The following ZNF714 variants were observed in gnomAD, a reference collection of about 807,000 sequenced individuals.
ZNF714 encodes zinc finger protein 714.
In ZNF714, 32 loss-of-function variants were observed where a neutral mutation model predicts 46.2. The ratio of observed to expected loss-of-function variants is 0.69; its 90% CI spans 0.52 to 0.93. ZNF714 has a LOEUF of 0.93. Among genes scored for constraint, ZNF714 ranks in the 40% least tolerant of loss-of-function variants. The pLI is 0.00. For missense variants in ZNF714, 635 were observed against 646.3 expected, an observed-to-expected ratio of 0.98 and a Z score of 0.19; for synonymous variants, 199 against 213.1, an observed-to-expected ratio of 0.93 and a Z score of 0.58.
intron 4 of ZNF714, among the ~76,000 whole-genome samples, chr19:21,111,176 G>A (rs1178428303): frequency 2.0e-5 from 3 of 152,088 alleles, no homozygotes; most frequent in African/African-American, 7.2e-5. Context: ...AAATTACTTT[G>A]AGCAGTATGG....
rs754664150 is a variant in ZNF714 at position 21,118,134 on chromosome 19, T to C, written c.1470T>C (p.Phe490=). ...AATGTGAAGAATGTGGTAAAGCCTT[T>C]AACCAATCCTCAACTCTTACTAAAC... ...SYKCEECGKA[F]NQSSTLTKHR... Residue 490 remains phenylalanine, a synonymous_variant, in exon 5 of 5, where the codon TTT becomes TTC. Transcript: ENST00000456283. The C allele has an allele frequency of 8.7e-6, 14 of 1,613,788 alleles. No homozygotes were observed. In the East Asian group the frequency reaches 2.7e-4, roughly 31 times the overall value.
At chr19:21,099,189 G>GT (rs1267328478) in intron 4 of ZNF714, among the ~76,000 whole-genome samples, 3 of 151,296 alleles carry the variant, frequency 2.0e-5, no homozygotes, top group Non-Finnish European at 2.9e-5. Context: ...GTTTTGTTTT[G>GT]TTTTTTGAGA....
intron 4 of ZNF714, among the ~76,000 whole-genome samples, chr19:21,114,850 A>G (rs552336803): frequency 1.3e-3 from 202 of 152,264 alleles, no homozygotes; most frequent in Non-Finnish European, 2.1e-3. Context: ...CCTGGTGGTC[A>G]TGTATTCCTT....
chr19:21,112,886 G>A lies in ZNF714; in HGVS notation c.143-3921G>A, dbSNP rs188855956. 7.9e-3 allele frequency among the ~76,000 whole-genome samples: 1,063 copies of A among 134,604 alleles called. 15 individuals carry two copies. Among genetic ancestry groups the A allele is most frequent in the African/African-American group, 0.028 (1,023 of 36,470 alleles). The allele number at this position is 134,604 out of a possible 152,430, so 88.3% of individuals were successfully genotyped here. On this transcript the variant is annotated intron_variant, in intron 4 of 4. Transcript: ENST00000456283. ...CGCCCAGGCTGGAGTGCAGTGGCGC[G>A]ATCTCGGCTCACTGCAATCTCTGCC...
In ZNF714 at chr19:21,119,213, T is replaced by C. The variant is rs1364438738; in HGVS notation, c.*881T>C. On this transcript the variant is annotated 3_prime_UTR_variant, in exon 5 of 5. Coordinates refer to ENST00000456283, the MANE Select transcript of ZNF714 (RefSeq NM_182515.4). The stretch of plus-strand genomic sequence containing the variant: ...AGGTCAGGAGTTTGAGACCAGCCTA[T>C]CCAAGATGGTGAAACCCCATCTCTA... The C allele has an allele frequency of 5.4e-6, 2 of 373,484 alleles. No homozygotes were observed. 23.1% of individuals were successfully genotyped at this position (373,484 alleles called of 1,614,324 possible).
intron 3 of ZNF714, 56 bp from the exon 4 acceptor site, chr19:21,098,756 C>A: frequency 1.6e-6 from 2 of 1,215,240 alleles, no homozygotes; most frequent in Non-Finnish European, 2.4e-6. Flanking sequence ...GAGCACAGTA[C>A]TAGGTTGGTA....
chr19:21,089,789 A>G (rs944500079), intron 2 of ZNF714, among the ~76,000 whole-genome samples: 2 of 148,282 alleles, frequency 1.3e-5, no homozygotes, highest in Non-Finnish European at 3.0e-5. Context: ...AACCTCACAA[A>G]TGCATCTCCA....
Position 21,098,896 on chromosome 19 carries a change from T to C in ZNF714, c.128T>C (p.Val43Ala), listed in dbSNP as rs1390463924. 6.2e-6 allele frequency: 10 copies of C among 1,600,760 alleles called. No individual in the cohort carries two copies. Among genetic ancestry groups the C allele is most frequent in the Non-Finnish European group, 7.7e-6 (9 of 1,172,828 alleles). The part of the protein sequence containing the change: ...EPWNMKICEM[V>A]DESPAMCSSF... ...TGGAATATGAAGATATGTGAGATGG[T>C]GGATGAATCCCCAGGTAGGTGAGAG... Residue 43 changes from valine to alanine, a missense_variant, in exon 4 of 5, where the codon GTG becomes GCG. Val to Ala is a moderately conservative substitution (Grantham distance 64). Coordinates refer to ENST00000456283, the MANE Select transcript of ZNF714 (RefSeq NM_182515.4).
chr19:21,114,064 T>C (rs1346611881), intron 4 of ZNF714, among the ~76,000 whole-genome samples: 1 of 152,202 alleles, frequency 6.6e-6, no homozygotes, highest in African/African-American at 2.4e-5. Context: ...GGGTGCTCCT[T>C]GAATTGATCT....
chr19:21,087,661 A>G (rs60467794), intron 2 of ZNF714, among the ~76,000 whole-genome samples: 8,996 of 152,226 alleles, frequency 0.059, 654 homozygotes, highest in African/African-American at 0.18. Context: ...TCAATGTTCA[A>G]TTTATAGAAA....
At position 21,117,718 on chromosome 19, in the gene ZNF714, G is replaced by A. The variant is rs775516212; in HGVS notation, c.1054G>A (p.Val352Met). 4 of 1,585,492 alleles carry A rather than the reference G, an allele frequency of 2.5e-6. No individual in the cohort carries two copies. The highest frequency in any genetic ancestry group is 3.4e-6 in the Non-Finnish European group (4 of 1,166,034). The change falls in exon 5 of 5, where the codon GTG becomes ATG. Residue 352 changes from valine to methionine, a missense_variant. By Grantham distance (21) the Val-to-Met change is conservative (BLOSUM62 1). Transcript: ENST00000456283. ...KCEECGKAFN[V>M]SSHLTTHKMI... is the part of the protein sequence containing the mutation. The stretch of plus-strand genomic sequence containing the variant: ...TGAAGAATGTGGCAAAGCCTTTAAT[G>A]TGTCTTCACACCTTACTACACATAA...
rs1969090522 is a variant in ZNF714 at position 21,098,289 on chromosome 19, C to CT, written c.22dup (p.Tyr8LeufsTer14). ...TATATATGAATGTGATGTTAGAGAA[C>CT]TACAAAAACCTGGTCTTCTTGGGTG... On this transcript the variant is annotated frameshift_variant, in exon 3 of 5. Coordinates refer to ENST00000456283, the MANE Select transcript of ZNF714 (RefSeq NM_182515.4). LOFTEE classifies it high-confidence loss of function. 1.2e-6 allele frequency: 2 copies of CT among 1,612,808 alleles called. No homozygotes were observed. The highest frequency in any genetic ancestry group is 4.5e-5 in the East Asian group (2 of 44,844).
intron 2 of ZNF714, among the ~76,000 whole-genome samples, chr19:21,095,700 C>T (rs1599534996): frequency 2.6e-5 from 4 of 152,030 alleles, no homozygotes; most frequent in Middle Eastern, 3.4e-3. Context: ...ATGATCCGCC[C>T]GCCTCAGCCT....
At chr19:21,101,982 G>A (rs558066193) in intron 4 of ZNF714, among the ~76,000 whole-genome samples, 1 of 152,282 alleles carries the variant, frequency 6.6e-6, no homozygotes, top group African/African-American at 2.4e-5. Flanking sequence ...TTACTTGGGA[G>A]ATGGGATCTT....
rs921883352 is a variant in ZNF714 at position 21,124,542 on chromosome 19, T to G, written c.*6210T>G. On this transcript the variant is annotated 3_prime_UTR_variant, in exon 5 of 5. Coordinates refer to ENST00000456283, the MANE Select transcript of ZNF714 (RefSeq NM_182515.4). ...AAATGTGTGCTTTTTCTGTAGAACA[T>G]ATTTTGAAGTATATATACATTGTTA... is the stretch of plus-strand genomic sequence containing the variant. Among the ~76,000 whole-genome samples, 1 of 152,196 alleles carries G rather than the reference T, an allele frequency of 6.6e-6. No individual in the cohort carries two copies. The highest frequency in any genetic ancestry group is 1.5e-5 in the Non-Finnish European group (1 of 68,032).
chr19:21,092,902 T>C (rs911257158), intron 2 of ZNF714, among the ~76,000 whole-genome samples: 1 of 125,068 alleles, frequency 8.0e-6, no homozygotes, highest in Non-Finnish European at 1.7e-5. Flanking sequence ...GCAAATAACT[T>C]AAACTTTTTT....
At chr19:21,104,911 G>A (rs375947785) in intron 4 of ZNF714, among the ~76,000 whole-genome samples, 9 of 151,154 alleles carry the variant, frequency 6.0e-5, no homozygotes, top group African/African-American at 1.2e-4. Flanking sequence ...GTGAGCGCCC[G>A]GCCTCATTTT....
At chr19:21,092,870 C>T (rs1247143794) in intron 2 of ZNF714, among the ~76,000 whole-genome samples, 1 of 149,920 alleles carries the variant, frequency 6.7e-6, no homozygotes, top group South Asian at 2.1e-4. Flanking sequence ...GGATAATGGT[C>T]TCCAGTGTCG....
At chr19:21,112,815 G>GATTTTTTTTTTTTT (rs1969481165) in intron 4 of ZNF714, among the ~76,000 whole-genome samples, 1 of 41,746 alleles carries the variant, frequency 2.4e-5, no homozygotes, top group Non-Finnish European at 5.6e-5. Flanking sequence ...TTTTATTTCT[G>GATTTTTTTTTTTTT]ATTTTTTTTT....
Sources: gnomAD v4.1 joint callset for allele counts (sites outside exome capture counted in the v4.1 genomes callset) on GRCh38, gnomAD v4.1.1 for gene constraint, MANE v1.5 for transcripts, NCBI Gene and HGNC (gene_info 2026-07-23, HGNC 2026-07-21) for gene names.